WDFY4: variants seen among roughly 807,000 people sequenced by gnomAD.
WDFY4 encodes WDFY family member 4.
In WDFY4, 169 loss-of-function variants were observed where a neutral mutation model predicts 351.9. That is an observed-to-expected ratio of 0.48 (90% CI 0.42 to 0.55). WDFY4 has a LOEUF of 0.55. Among genes scored for constraint, WDFY4 ranks in the 20% least tolerant of loss-of-function variants. The pLI, the probability that WDFY4 is intolerant of heterozygous loss-of-function variation, is 0.00. For missense variants in WDFY4, 3,803 were observed against 3,935.6 expected, an observed-to-expected ratio of 0.97 and a Z score of 0.90; for synonymous variants, 1,622 against 1,574.6, an observed-to-expected ratio of 1.03 and a Z score of -0.71.
At chr10:48,909,878 C>T (rs1053248661) in intron 47 of WDFY4, 1 of 218,348 alleles carries the variant, frequency 4.6e-6, no homozygotes, top group Non-Finnish European at 9.1e-6. Context: ...TCACAGACTA[C>T]TGGCATTGAG....
At position 48,810,610 on chromosome 10, in the gene WDFY4, C is replaced by G. The variant is rs1040449451; in HGVS notation, c.4919C>G (p.Thr1640Ser). The change falls in exon 29 of 62, where the codon ACT (threonine) becomes AGT (serine). Residue 1640 changes from threonine (T) to serine (S), a missense_variant. Thr to Ser is a moderately conservative substitution (Grantham distance 58). Transcript: ENST00000325239. ...LLQGHLHAST[T>S]VLALKLLLYF... is the part of the protein sequence containing the mutation. ...CAGGGCCACCTGCATGCCAGCACCA[C>G]TGTGCTGGCATTGAAGCTGCTGCTG... The G allele has an allele frequency of 7.7e-6, 12 of 1,551,460 alleles. No homozygotes were observed. The Admixed American group carries it at 2.4e-4, about 30-fold the overall frequency.
chr10:48,782,866 C>T (rs191369656), intron 19 of WDFY4, among the ~76,000 whole-genome samples: 1 of 152,200 alleles, frequency 6.6e-6, no homozygotes, highest in Non-Finnish European at 1.5e-5. Context: ...ATTAGGCAAC[C>T]TGAATGGGGC....
intron 39 of WDFY4, among the ~76,000 whole-genome samples, chr10:48,854,994 A>G (rs1390601993): frequency 1.3e-5 from 2 of 152,234 alleles, no homozygotes; most frequent in African/African-American, 2.4e-5. Context: ...GCTCATAATG[A>G]TTGTTTTACT....
chr10:48,758,111 T>C (rs1404143773), intron 12 of WDFY4, among the ~76,000 whole-genome samples: 1 of 152,196 alleles, frequency 6.6e-6, no homozygotes, highest in Non-Finnish European at 1.5e-5. Context: ...TTAAAAGTAT[T>C]ATTCTTAGAA....
intron 47 of WDFY4, among the ~76,000 whole-genome samples, chr10:48,922,896 T>G (rs1839220359): frequency 6.6e-6 from 1 of 152,184 alleles, no homozygotes; most frequent in Non-Finnish European, 1.5e-5. Flanking sequence ...GGGAAAGGCT[T>G]GACTAGAAGG....
intron 40 of WDFY4, among the ~76,000 whole-genome samples, chr10:48,870,812 ATC>A (rs2069741785): frequency 6.6e-6 from 1 of 152,110 alleles, no homozygotes; most frequent in South Asian, 2.1e-4. Context: ...AAATAATCAC[ATC>A]TCTCTCAGGG....
chr10:48,952,149 C>A (rs545516502), intron 51 of WDFY4, among the ~76,000 whole-genome samples: 1 of 152,260 alleles, frequency 6.6e-6, no homozygotes, highest in Admixed American at 6.5e-5. Flanking sequence ...CTTGGTGGAG[C>A]GTGTGCCAGG....
chr10:48,946,036 C>G lies in WDFY4; in HGVS notation c.7750-4C>G. On this transcript the variant is annotated splice_polypyrimidine_tract_variant and splice_region_variant and intron_variant, in intron 49 of 61. Transcript: ENST00000325239. The stretch of plus-strand genomic sequence containing the variant: ...TTAACTCCAGCTGCACATCTGCCTT[C>G]TAGACATTGAACTTGGCAAATCCGA... 6.5e-7 allele frequency: 1 copy of G among 1,538,654 alleles called. No individual in the cohort carries two copies. The highest frequency in any genetic ancestry group is 8.8e-7 in the Non-Finnish European group (1 of 1,142,544).
intron 12 of WDFY4, among the ~76,000 whole-genome samples, chr10:48,751,063 A>G (rs763576913): frequency 3.9e-5 from 6 of 152,194 alleles, no homozygotes; most frequent in Non-Finnish European, 7.3e-5. Context: ...TGCTTCAGAT[A>G]TGGCTGCTCC....
In WDFY4 at chr10:48,731,566, C is replaced by T; in HGVS notation, c.1582+4C>T. 1 of 1,548,416 alleles carries T rather than the reference C, an allele frequency of 6.5e-7. No homozygotes were observed. Among genetic ancestry groups the T allele is most frequent in the Non-Finnish European group, 8.7e-7 (1 of 1,145,938 alleles). On this transcript the variant is annotated splice_donor_region_variant and intron_variant, in intron 9 of 61. Transcript: ENST00000325239. ...GCCAAGATCATGAGGAAGTCAGGTG[C>T]CACTGGGTGCATTGGGAGGGATGGG...
intron 47 of WDFY4, among the ~76,000 whole-genome samples, chr10:48,936,450 A>G (rs1840365180): frequency 6.6e-6 from 1 of 152,196 alleles, no homozygotes; most frequent in South Asian, 2.1e-4. Flanking sequence ...TATAAAAATC[A>G]TAAAGCACAT....
intron 47 of WDFY4, among the ~76,000 whole-genome samples, chr10:48,932,082 G>A (rs1027625904): frequency 1.3e-5 from 2 of 152,218 alleles, no homozygotes; most frequent in Admixed American, 6.5e-5. Flanking sequence ...CTCATAACAC[G>A]CCTGAGCCCA....
intron 47 of WDFY4, among the ~76,000 whole-genome samples, chr10:48,918,775 G>A (rs1194375406): frequency 6.6e-6 from 1 of 152,152 alleles, no homozygotes; most frequent in East Asian, 1.9e-4. Context: ...CAGGGCTTGG[G>A]GGAAGACCTG....
Position 48,779,603 on chromosome 10 carries a change from G to T in WDFY4, c.3398-338G>T, listed in dbSNP as rs139412058. ...CTACCTTGGGATAGACCTGAAGCCTGGCTTCTGGGTTTGAATCCTGGCTGT... is the reference window on the plus strand; with the variant it reads ...CTACCTTGGGATAGACCTGAAGCCTTGCTTCTGGGTTTGAATCCTGGCTGT... On this transcript the variant is annotated intron_variant, in intron 18 of 61. Transcript: ENST00000325239. 8.3e-4 allele frequency among the ~76,000 whole-genome samples: 127 copies of T among 152,318 alleles called. 1 individual carries two copies. The highest frequency in any genetic ancestry group is 3.0e-3 in the African/African-American group (125 of 41,562).
At chr10:48,938,106 G>C (rs528208634) in intron 47 of WDFY4, among the ~76,000 whole-genome samples, 19 of 152,308 alleles carry the variant, frequency 1.2e-4, no homozygotes, top group African/African-American at 4.6e-4. Flanking sequence ...TGTGGCTTGC[G>C]TATGCCTAGT....
At chr10:48,920,351 C>T (rs1838949220) in intron 47 of WDFY4, among the ~76,000 whole-genome samples, 1 of 147,660 alleles carries the variant, frequency 6.8e-6, no homozygotes, top group Non-Finnish European at 1.5e-5. Flanking sequence ...GAGCATCACA[C>T]ACCGGGGCCT....
At chr10:48,910,356 T>C in intron 47 of WDFY4, 1 of 1,058,066 alleles carries the variant, frequency 9.5e-7, no homozygotes, top group Non-Finnish European at 1.5e-6. Flanking sequence ...AGGTCATGCC[T>C]GACCTTCAGG....
At chr10:48,935,019 G>A (rs1273232249) in intron 47 of WDFY4, among the ~76,000 whole-genome samples, 2 of 152,196 alleles carry the variant, frequency 1.3e-5, no homozygotes, top group East Asian at 3.8e-4. Context: ...ATTAGCTGTT[G>A]CCTGGGCTTT....
Position 48,885,648 on chromosome 10 carries a change from C to T in WDFY4, c.7168-4931C>T, listed in dbSNP as rs1294025478. Among the ~76,000 whole-genome samples, 3 of 151,992 alleles carry T rather than the reference C, an allele frequency of 2.0e-5. No individual in the cohort carries two copies. In the East Asian group the frequency reaches 5.8e-4, roughly 29 times the overall value. On this transcript the variant is annotated intron_variant, in intron 43 of 61. Coordinates refer to ENST00000325239, the MANE Select transcript of WDFY4 (RefSeq NM_001394531.1). ...GAAAAGATCGATGCATCATTACATT[C>T]CTTTCTATATTTCCCAAATTAATAT...
Sources: allele counts gnomAD v4.1 joint callset (sites outside exome capture counted in the v4.1 genomes callset), GRCh38; gene constraint gnomAD v4.1.1; transcripts MANE v1.5; gene names NCBI Gene and HGNC (gene_info 2026-07-23, HGNC 2026-07-21).